The following TMEM131 variants were observed in gnomAD, a reference collection of about 807,000 sequenced individuals.
TMEM131 encodes 2610524E03Rik.
TMEM131 carries 66 observed loss-of-function variants against 211.6 expected under a neutral mutation model. The observed-to-expected ratio is 0.31, with a 90% confidence interval of 0.26 to 0.38. TMEM131 has a LOEUF of 0.38. Among genes scored for constraint, TMEM131 ranks in the 10% least tolerant of loss-of-function variants. The probability of loss-of-function intolerance (pLI) is 1.00; values close to 1 mark genes in which losing one functional copy is unlikely to be tolerated. For missense variants in TMEM131, 2,036 were observed against 2,299.3 expected (o/e 0.89, Z 2.34); for synonymous variants, 844 against 841.3 (o/e 1.00, Z -0.06).
chr2:97,780,631 C>T (rs62154508), intron 31 of TMEM131, among the ~76,000 whole-genome samples: 7,639 of 152,188 alleles, frequency 0.05, 293 homozygotes, highest in Middle Eastern at 0.092. Context: ...CTTGACCTAT[C>T]AGGGGCAATC....
At chr2:97,955,369 A>G (rs1678521093) in intron 1 of TMEM131, among the ~76,000 whole-genome samples, 1 of 152,170 alleles carries the variant, frequency 6.6e-6, no homozygotes, top group Admixed American at 6.5e-5. Flanking sequence ...TTAATGGTGA[A>G]AGAATGGTTT....
intron 5 of TMEM131, among the ~76,000 whole-genome samples, chr2:97,845,674 T>A (rs1472384227): frequency 2.2e-5 from 3 of 139,258 alleles, no homozygotes; most frequent in Non-Finnish European, 4.7e-5. Flanking sequence ...TTTGAGACAC[T>A]AGAAAAAGAA....
chr2:97,766,609 G>A lies in TMEM131; in HGVS notation c.4449-7C>T. ...ATATGGTAGTTCTAATGAACTGAAA[G>A]ACAATCAGGGATGGAAAATACAAAT... On this transcript the variant is annotated splice_region_variant and splice_polypyrimidine_tract_variant and intron_variant, in intron 33 of 40. Coordinates refer to ENST00000186436, the MANE Select transcript of TMEM131 (RefSeq NM_015348.2). 1.2e-6 allele frequency: 2 copies of A among 1,613,098 alleles called. No individual in the cohort carries two copies. Among genetic ancestry groups the A allele is most frequent in the African/African-American group, 1.3e-5 (1 of 75,006 alleles).
At chr2:97,912,290 G>A (rs533912375) in intron 2 of TMEM131, among the ~76,000 whole-genome samples, 5 of 152,194 alleles carry the variant, frequency 3.3e-5, no homozygotes, top group African/African-American at 9.6e-5. Context: ...ATTCACTAAA[G>A]AAAAATAAAT....
At position 97,975,894 on chromosome 2, in the gene TMEM131, C is replaced by G. The variant is rs552516320; in HGVS notation, c.187+19582G>C. On this transcript the variant is annotated intron_variant, in intron 1 of 40. Transcript: ENST00000186436. ...TTAGCAAACAAACAAACAAACAAAACTTTAAAATAAATTGCATAATACCTA... is the reference window on the plus strand; with the variant it reads ...TTAGCAAACAAACAAACAAACAAAAGTTTAAAATAAATTGCATAATACCTA... 6.0e-5 allele frequency among the ~76,000 whole-genome samples: 9 copies of G among 149,808 alleles called. No individual in the cohort carries two copies. The South Asian group carries it at 1.9e-3, about 31-fold the overall frequency.
chr2:97,763,865 G>A (rs1679008481), intron 35 of TMEM131: 1 of 152,416 alleles, frequency 6.6e-6, no homozygotes, highest in South Asian at 2.1e-4. Context: ...GAAAAGCAAA[G>A]GGAAGTTAGC....
intron 4 of TMEM131, among the ~76,000 whole-genome samples, chr2:97,882,374 A>C (rs574679624): frequency 1.3e-4 from 20 of 152,192 alleles, no homozygotes; most frequent in Non-Finnish European, 2.8e-4. Flanking sequence ...TGCTGCTGGG[A>C]GAGATTTTGC....
At chr2:97,807,325 T>C (rs148128718) in intron 19 of TMEM131, among the ~76,000 whole-genome samples, 1 of 152,316 alleles carries the variant, frequency 6.6e-6, no homozygotes, top group East Asian at 1.9e-4. Flanking sequence ...GGAAGGTGTC[T>C]GGGCCACAGG....
chr2:97,962,420 T>A (rs1260094005), intron 1 of TMEM131, among the ~76,000 whole-genome samples: 1 of 151,938 alleles, frequency 6.6e-6, no homozygotes, highest in Non-Finnish European at 1.5e-5. Context: ...AGGAGAATGG[T>A]GTGAACCCGG....
chr2:97,938,304 C>T (rs1299603125), intron 1 of TMEM131, among the ~76,000 whole-genome samples: 1 of 152,066 alleles, frequency 6.6e-6, no homozygotes, highest in Non-Finnish European at 1.5e-5. Flanking sequence ...CAGAGACACA[C>T]ATAGGCTCAA....
intron 8 of TMEM131, 109 bp downstream of exon 8, chr2:97,836,968 G>C: frequency 1.2e-6 from 1 of 815,958 alleles, no homozygotes; most frequent in Non-Finnish European, 2.0e-6. Context: ...AACGATTAAA[G>C]AGAAGTCATC....
At chr2:97,868,298 GTCTATCTA>G (rs200522031) in intron 4 of TMEM131, among the ~76,000 whole-genome samples, 2 of 151,706 alleles carry the variant, frequency 1.3e-5, no homozygotes, top group South Asian at 2.1e-4. Flanking sequence ...ACTTGTCTAT[GTCTATCTA>G]TCTATCTATC....
At chr2:97,819,772 T>G (rs534044543) in intron 11 of TMEM131, among the ~76,000 whole-genome samples, 1 of 152,348 alleles carries the variant, frequency 6.6e-6, no homozygotes, top group South Asian at 2.1e-4. Flanking sequence ...TCCTTTTCTG[T>G]GAGACTTATC....
intron 11 of TMEM131, among the ~76,000 whole-genome samples, chr2:97,828,580 A>G (rs1270310266): frequency 6.6e-6 from 1 of 152,216 alleles, no homozygotes; most frequent in African/African-American, 2.4e-5. Flanking sequence ...GCAAGAAATA[A>G]TGAAATCTAT....
rs778322768 is a variant in TMEM131 at position 97,797,862 on chromosome 2, G to C, written c.2719-346C>G. Among the ~76,000 whole-genome samples, 22 of 152,190 alleles carry C rather than the reference G, an allele frequency of 1.4e-4. 1 individual carries two copies. The highest frequency in any genetic ancestry group is 1.0e-3 in the Admixed American group (16 of 15,280). On this transcript the variant is annotated intron_variant, in intron 25 of 40. Coordinates refer to ENST00000186436, the MANE Select transcript of TMEM131 (RefSeq NM_015348.2). ...ACAGAAAAGGACACAAACCTAAGATGATCAGCTAGACACATTAGCACAAAG... is the reference window on the plus strand; with the variant it reads ...ACAGAAAAGGACACAAACCTAAGATCATCAGCTAGACACATTAGCACAAAG...
intron 3 of TMEM131, among the ~76,000 whole-genome samples, chr2:97,904,465 TATA>T (rs1675987058): frequency 6.6e-6 from 1 of 152,174 alleles, no homozygotes; most frequent in Non-Finnish European, 1.5e-5. Context: ...GTCAAGAAGA[TATA>T]AGAATTATTT....
chr2:97,917,860 T>C (rs1676573269), intron 2 of TMEM131, among the ~76,000 whole-genome samples: 1 of 152,174 alleles, frequency 6.6e-6, no homozygotes, highest in Non-Finnish European at 1.5e-5. Flanking sequence ...GACCACCATG[T>C]GACCCAACTC....
At position 97,929,441 on chromosome 2, in the gene TMEM131, C is replaced by A. The variant is rs75919948; in HGVS notation, c.188-1954G>T. On this transcript the variant is annotated intron_variant, in intron 1 of 40. Coordinates refer to ENST00000186436, the MANE Select transcript of TMEM131 (RefSeq NM_015348.2). ...TGGCTTAATATGGAATTCACTGACTCCCATTTGTTGGTCTTTTGGAAATCA... is the reference window on the plus strand; with the variant it reads ...TGGCTTAATATGGAATTCACTGACTACCATTTGTTGGTCTTTTGGAAATCA... 4.9e-4 allele frequency among the ~76,000 whole-genome samples: 75 copies of A among 151,884 alleles called. 2 individuals are homozygous for A. The highest frequency in any genetic ancestry group is 1.5e-3 in the African/African-American group (63 of 41,180).
At chr2:97,959,086 T>C (rs1477929796) in intron 1 of TMEM131, among the ~76,000 whole-genome samples, 1 of 151,970 alleles carries the variant, frequency 6.6e-6, no homozygotes, top group African/African-American at 2.4e-5. Context: ...CACTGGTAAG[T>C]CTTGAGACAG....
Sources: allele counts gnomAD v4.1 joint callset (sites outside exome capture counted in the v4.1 genomes callset), GRCh38; gene constraint gnomAD v4.1.1; transcripts MANE v1.5; gene names NCBI Gene and HGNC (gene_info 2026-07-23, HGNC 2026-07-21).